FHIT: variants seen among roughly 807,000 people sequenced by gnomAD.
FHIT encodes bis(5'-adenosyl)-triphosphatase.
A neutral mutation model predicts 17.9 loss-of-function variants in FHIT; 19 were observed. The observed-to-expected ratio is 1.06, with a 90% CI of 0.74 to 1.56. The LOEUF (loss-of-function observed/expected upper bound fraction) is 1.56, where lower values mean the gene tolerates loss of function less well. Ranked by LOEUF, FHIT falls within the 40% of genes most tolerant of loss-of-function variation. FHIT has a pLI of 0.00. For synonymous variants in FHIT, 81 were observed against 69.7 expected, an observed-to-expected ratio of 1.16 and a Z score of -0.81; for missense variants, 248 against 189.2, an observed-to-expected ratio of 1.31 and a Z score of -1.82.
At chr3:60,639,404 G>C (rs2039670208) in intron 4 of FHIT, among the ~76,000 whole-genome samples, 2 of 152,060 alleles carry the variant, frequency 1.3e-5, no homozygotes, top group South Asian at 4.1e-4. Flanking sequence ...AAAAATCAAT[G>C]CTAAAAGACC....
intron 5 of FHIT, among the ~76,000 whole-genome samples, chr3:60,440,361 T>C (rs753759603): frequency 8.5e-5 from 13 of 152,100 alleles, no homozygotes; most frequent in Non-Finnish European, 1.5e-4. Context: ...AGATGGTATA[T>C]AAATGAAATC....
At chr3:61,201,330 T>G (rs996536685) in intron 1 of FHIT, among the ~76,000 whole-genome samples, 5 of 152,196 alleles carry the variant, frequency 3.3e-5, no homozygotes, top group African/African-American at 1.2e-4. Context: ...CACAAATCAA[T>G]GTGACAAAAG....
intron 4 of FHIT, among the ~76,000 whole-genome samples, chr3:60,643,244 AC>A (rs1553685846): frequency 6.7e-6 from 1 of 149,278 alleles, no homozygotes; most frequent in African/African-American, 2.5e-5. Flanking sequence ...TCTTTCCCCC[AC>A]CCCCCACAGC....
chr3:60,528,086 A>G lies in FHIT; in HGVS notation c.103+8774T>C, dbSNP rs374996942. 3.3e-4 allele frequency among the ~76,000 whole-genome samples: 51 copies of G among 152,276 alleles called. 2 individuals carry two copies. In the East Asian group the frequency reaches 4.1e-3, roughly 12 times the overall value. On this transcript the variant is annotated intron_variant, in intron 5 of 9. Coordinates refer to ENST00000492590, the MANE Select transcript of FHIT (RefSeq NM_002012.4). ...ACTCCTGGGCTAAAGCAATCCTCCT[A>G]CCTCAGCCTCCCTAGTAGTTAGGAC...
chr3:60,732,552 C>T (rs531524083), intron 4 of FHIT: 6 of 641,528 alleles, frequency 9.4e-6, no homozygotes, highest in Non-Finnish European at 1.5e-5. Flanking sequence ...GTCTTTGGAA[C>T]CTCGTCTGCA....
chr3:59,789,743 T>G (rs183913182), intron 8 of FHIT, among the ~76,000 whole-genome samples: 50 of 152,312 alleles, frequency 3.3e-4, no homozygotes, highest in African/African-American at 1.1e-3. Context: ...AATCTAGTTT[T>G]CAGGGCCCCT....
chr3:60,262,202 A>G (rs1307589280), intron 5 of FHIT, among the ~76,000 whole-genome samples: 1 of 152,068 alleles, frequency 6.6e-6, no homozygotes, highest in Non-Finnish European at 1.5e-5. Context: ...ATCTATGAAG[A>G]TCCAAAGAAT....
Position 60,018,111 on chromosome 3 carries a change from G to A in FHIT, c.104-3959C>T, listed in dbSNP as rs2106718586. 1.3e-5 allele frequency among the ~76,000 whole-genome samples: 2 copies of A among 152,322 alleles called. 1 individual carries two copies. Among genetic ancestry groups the A allele is most frequent in the South Asian group, 4.1e-4 (2 of 4,832 alleles). Reference sequence around the variant, plus strand: ...AGCACGATGCTGGCTTCTGAATTTGGTGGAGGCCTCAAGATGCTTCCATTC... The same window carrying A: ...AGCACGATGCTGGCTTCTGAATTTGATGGAGGCCTCAAGATGCTTCCATTC... On this transcript the variant is annotated intron_variant, in intron 5 of 9. Coordinates refer to ENST00000492590, the MANE Select transcript of FHIT (RefSeq NM_002012.4).
At chr3:60,548,291 A>C (rs988158426) in intron 4 of FHIT, among the ~76,000 whole-genome samples, 2 of 152,182 alleles carry the variant, frequency 1.3e-5, no homozygotes, top group Non-Finnish European at 2.9e-5. Flanking sequence ...CTTTGCACTA[A>C]AGCCACATAG....
rs537671418 is a variant in FHIT at position 60,064,286 on chromosome 3, A to T, written c.104-50134T>A. On this transcript the variant is annotated intron_variant, in intron 5 of 9. Coordinates refer to ENST00000492590, the MANE Select transcript of FHIT (RefSeq NM_002012.4). ...TTTATAACTCTTATTTGATGTTTGG[A>T]TTCTCAGAATTTACTTCACTGAACT... Among the ~76,000 whole-genome samples the T allele has an allele frequency of 2.6e-3, 392 of 152,260 alleles. 1 individual carries two copies. The highest frequency in any genetic ancestry group is 4.5e-3 in the Non-Finnish European group (303 of 68,016).
chr3:60,842,296 A>G (rs1295502109), intron 3 of FHIT, among the ~76,000 whole-genome samples: 3 of 151,900 alleles, frequency 2.0e-5, no homozygotes, highest in Admixed American at 2.0e-4. Flanking sequence ...GCCTTAGTCA[A>G]TGTAAACTCC....
chr3:59,876,971 A>G (rs750955805), intron 8 of FHIT, among the ~76,000 whole-genome samples: 5 of 152,184 alleles, frequency 3.3e-5, no homozygotes, highest in South Asian at 4.1e-4. Context: ...TGTCCATCAA[A>G]AGAGACACAT....
chr3:61,162,771 T>C (rs1376967079), intron 2 of FHIT, among the ~76,000 whole-genome samples: 2 of 152,180 alleles, frequency 1.3e-5, no homozygotes, highest in East Asian at 1.9e-4. Context: ...AAGCAAATTG[T>C]GTTCTGTTCT....
intron 8 of FHIT, among the ~76,000 whole-genome samples, chr3:59,908,843 C>CTTTTTTTTTTTTTTTTTTTTTTTTTT (rs1264578670): frequency 6.6e-6 from 1 of 150,740 alleles, no homozygotes; most frequent in Non-Finnish European, 1.5e-5. Flanking sequence ...AAGAACATTT[C>CTTTTTTTTTTTTTTTTTTTTTTTTTT]ATTTTTTAAT....
chr3:61,191,360 C>A (rs1219669934), intron 2 of FHIT, among the ~76,000 whole-genome samples: 2 of 152,114 alleles, frequency 1.3e-5, no homozygotes, highest in African/African-American at 4.8e-5. Context: ...TCTTTGCCGG[C>A]CCTCAGACTG....
chr3:60,637,729 T>C (rs894707681), intron 4 of FHIT, among the ~76,000 whole-genome samples: 3 of 152,184 alleles, frequency 2.0e-5, no homozygotes, highest in Non-Finnish European at 4.4e-5. Context: ...AAAATTGAAT[T>C]AGGTTATTAT....
intron 5 of FHIT, among the ~76,000 whole-genome samples, chr3:60,210,514 T>A (rs9851197): frequency 0.072 from 5,347 of 74,766 alleles, 288 homozygotes; most frequent in African/African-American, 0.22. Context: ...TCACTAGAGA[T>A]AAAAATCCCC....
intron 2 of FHIT, among the ~76,000 whole-genome samples, chr3:61,156,159 TC>T (rs1269012236): frequency 6.6e-6 from 1 of 152,208 alleles, no homozygotes; most frequent in African/African-American, 2.4e-5. Context: ...CCTCTGAAGT[TC>T]ACCCCATACG....
At chr3:59,857,917 G>T (rs1176763352) in intron 8 of FHIT, among the ~76,000 whole-genome samples, 1 of 152,142 alleles carries the variant, frequency 6.6e-6, no homozygotes. Flanking sequence ...GAAAGGTTTA[G>T]AGTAGAACTT....
Sources: gnomAD v4.1 joint callset for allele counts (sites outside exome capture counted in the v4.1 genomes callset) on GRCh38, gnomAD v4.1.1 for gene constraint, MANE v1.5 for transcripts, NCBI Gene and HGNC (gene_info 2026-07-23, HGNC 2026-07-21) for gene names.